The following DNAI4 variants were observed in gnomAD, a reference collection of about 807,000 sequenced individuals.
DNAI4 encodes the protein dynein axonemal intermediate chain 4, also known as WD repeat domain 78.
DNAI4 carries 85 observed loss-of-function variants against 105.8 expected under a neutral mutation model. The observed-to-expected ratio is 0.80, with a 90% CI of 0.67 to 0.96. DNAI4 has a LOEUF of 0.96. Ranked by LOEUF, DNAI4 falls within the 40% of genes least tolerant of loss-of-function variation. The pLI is 0.00. For missense variants in DNAI4, 1,014 were observed against 1,005.6 expected (o/e 1.01, Z -0.11); for synonymous variants, 352 against 331.5 (o/e 1.06, Z -0.67).
rs1351194627 is a variant in DNAI4 at position 66,892,941 on chromosome 1, GAAGAAAGAGAAGA to G, written c.530+275_530+287del. Reference sequence around the variant, plus strand: ...AAGAAAGAGAGAAAGAGAAGAAAGAGAAGAAAGAGAAGAAAGAAAGAAAGAAAGAAAGAAAGAA... The same window carrying G: ...AAGAAAGAGAGAAAGAGAAGAAAGAGAAGAAAGAAAGAAAGAAAGAAAGAA... On this transcript the variant is annotated intron_variant, in intron 3 of 16. Transcript: ENST00000371026. Among the ~76,000 whole-genome samples, 548 of 85,372 alleles carry G rather than the reference GAAGAAAGAGAAGA, an allele frequency of 6.4e-3. 16 individuals are homozygous for G. Among genetic ancestry groups the G allele is most frequent in the African/African-American group, 0.024 (491 of 20,248 alleles). 56.0% of individuals were successfully genotyped at this position (85,372 alleles called of 152,430 possible).
At chr1:66,893,534 G>A (rs77131064) in intron 2 of DNAI4, 121 bp from the exon 3 acceptor site, 6,486 of 570,358 alleles carry the variant, frequency 0.011, 55 homozygotes, top group Non-Finnish European at 0.013. Context: ...CCTATAATAG[G>A]ATAAACATGA....
At chr1:66,901,617 T>C (rs1648828993) in intron 2 of DNAI4, among the ~76,000 whole-genome samples, 1 of 152,228 alleles carries the variant, frequency 6.6e-6, no homozygotes, top group Non-Finnish European at 1.5e-5. Context: ...CATTTGTGGA[T>C]GAGGACTTTA....
At chr1:66,870,648 G>T (rs148681870) in intron 6 of DNAI4, among the ~76,000 whole-genome samples, 1,997 of 146,650 alleles carry the variant, frequency 0.014, 24 homozygotes, top group Non-Finnish European at 0.021. Context: ...TGCTTGGGAG[G>T]CTGAGGGGGA....
chr1:66,844,476 T>G (rs559472411), intron 8 of DNAI4, among the ~76,000 whole-genome samples: 1 of 152,038 alleles, frequency 6.6e-6, no homozygotes, highest in South Asian at 2.1e-4. Flanking sequence ...GGTGGGAGAA[T>G]CCCTTGAGCC....
chr1:66,824,889 T>C (rs1645716423), intron 15 of DNAI4, among the ~76,000 whole-genome samples: 1 of 152,202 alleles, frequency 6.6e-6, no homozygotes, highest in African/African-American at 2.4e-5. Context: ...AAGAAAAGAA[T>C]GATATCCACC....
At chr1:66,905,892 C>T (rs1331427564) in intron 1 of DNAI4, among the ~76,000 whole-genome samples, 1 of 148,766 alleles carries the variant, frequency 6.7e-6, no homozygotes, top group Non-Finnish European at 1.5e-5. Context: ...GAAAGAATAG[C>T]GTGTTCCTTC....
rs199651675 is a variant in DNAI4, at chr1:66,833,622, C to G, written c.1976G>C (p.Arg659Pro). The change falls in exon 13 of 17, where the codon CGA becomes CCA. Residue 659 changes from arginine (R) to proline (P), a missense_variant. Coordinates refer to ENST00000371026, the MANE Select transcript of DNAI4 (RefSeq NM_024763.5). The stretch of plus-strand genomic sequence containing the variant: ...AGCAAAACACATTCCAGGAGCCTGT[C>G]GAGATATCAAAGCTTCATCTTTCTT... Reference protein sequence around the residue: ...KEKKDEALISRQAPGMCFAFH... With the variant: ...KEKKDEALISPQAPGMCFAFH... 7 of 1,613,324 alleles carry G rather than the reference C, an allele frequency of 4.3e-6. No individual in the cohort carries two copies. Among genetic ancestry groups the G allele is most frequent in the Non-Finnish European group, 5.9e-6 (7 of 1,179,552 alleles).
At chr1:66,883,180 CTT>C (rs755412295) in intron 4 of DNAI4, among the ~76,000 whole-genome samples, 8 of 93,002 alleles carry the variant, frequency 8.6e-5, no homozygotes, top group East Asian at 3.1e-4. Context: ...GTTTTCTTTT[CTT>C]TTTTTTTTTT....
chr1:66,904,939 TTAA>T, intron 2 of DNAI4: 1 of 386,984 alleles, frequency 2.6e-6, no homozygotes, highest in South Asian at 1.3e-4. Context: ...ATGTATATAA[TTAA>T]TACCATAAGC....
At chr1:66,845,673 A>G (rs553031942) in intron 8 of DNAI4, among the ~76,000 whole-genome samples, 60 of 152,324 alleles carry the variant, frequency 3.9e-4, no homozygotes, top group Non-Finnish European at 6.2e-4. Flanking sequence ...GAGCATTACT[A>G]GGAAAAAAAT....
chr1:66,845,298 A>G (rs78916568), intron 8 of DNAI4, among the ~76,000 whole-genome samples: 1,558 of 151,846 alleles, frequency 0.01, 18 homozygotes, highest in Non-Finnish European at 0.016. Flanking sequence ...TATTCAAGTG[A>G]CCAAAATAAA....
chr1:66,854,725 C>T (rs1049541881), intron 7 of DNAI4, among the ~76,000 whole-genome samples: 9 of 152,126 alleles, frequency 5.9e-5, no homozygotes, highest in South Asian at 4.1e-4. Context: ...GGCTTGAACC[C>T]GGGAGGAGGC....
rs71058481 is a variant in DNAI4, at chr1:66,909,285, TACAC to T, written c.171-3914_171-3911del. Among the ~76,000 whole-genome samples, 1,067 of 134,526 alleles carry T rather than the reference TACAC, an allele frequency of 7.9e-3. 9 individuals are homozygous for T. The highest frequency in any genetic ancestry group is 0.028 in the African/African-American group (967 of 34,126). The allele number at this position is 134,526 out of a possible 152,430, so 88.3% of individuals were successfully genotyped here. ...CCTATTTATTGTTGCCACCTCTCTC[TACAC>T]ACACACACACACACACACACACACA... is the stretch of plus-strand genomic sequence containing the variant. On this transcript the variant is annotated intron_variant, in intron 1 of 16. Transcript: ENST00000371026.
intron 6 of DNAI4, among the ~76,000 whole-genome samples, chr1:66,865,991 C>T (rs2100629547): frequency 6.6e-6 from 1 of 152,180 alleles, no homozygotes; most frequent in Admixed American, 6.5e-5. Context: ...TGGAGGCCTA[C>T]TGAAAAGGAA....
At chr1:66,854,133 T>G (rs1646451762) in intron 7 of DNAI4, among the ~76,000 whole-genome samples, 1 of 152,214 alleles carries the variant, frequency 6.6e-6, no homozygotes. Flanking sequence ...TGCTCATGCC[T>G]GTAACCCCAG....
chr1:66,864,160 T>C (rs1646683954), intron 6 of DNAI4, among the ~76,000 whole-genome samples: 1 of 152,230 alleles, frequency 6.6e-6, no homozygotes, highest in South Asian at 2.1e-4. Context: ...TTTGAACAAG[T>C]TTAATTAACC....
chr1:66,922,897 G>A (rs1650603823), intron 1 of DNAI4, among the ~76,000 whole-genome samples: 2 of 152,178 alleles, frequency 1.3e-5, no homozygotes, highest in Admixed American at 1.3e-4. Flanking sequence ...GTCTTAGCCA[G>A]AGATTAACAT....
intron 15 of DNAI4, among the ~76,000 whole-genome samples, chr1:66,826,561 G>C (rs1286880346): frequency 2.0e-5 from 3 of 152,114 alleles, no homozygotes; most frequent in Admixed American, 2.0e-4. Flanking sequence ...GCCTCCCAAA[G>C]TACCAGGATT....
At chr1:66,893,065 GAAAGAAAGAA>G (rs1210513736) in intron 3 of DNAI4, among the ~76,000 whole-genome samples, 154 bp downstream of exon 3, 1 of 85,486 alleles carries the variant, frequency 1.2e-5, no homozygotes, top group Admixed American at 1.0e-4. Flanking sequence ...GAGAGAGAGA[GAAAGAAAGAA>G]AGAAAGAAAG....
Sources: gnomAD v4.1 joint callset for allele counts (sites outside exome capture counted in the v4.1 genomes callset) on GRCh38, gnomAD v4.1.1 for gene constraint, MANE v1.5 for transcripts, NCBI Gene and HGNC (gene_info 2026-07-23, HGNC 2026-07-21) for gene names.